Variants in CAPN15 observed in about 807,000 individuals in gnomAD.
CAPN15 encodes the protein calpain-15.
In CAPN15, 53 loss-of-function variants were observed where a neutral mutation model predicts 97.9. The observed-to-expected ratio is 0.54, with a 90% CI of 0.43 to 0.68. The LOEUF (loss-of-function observed/expected upper bound fraction) is 0.68, where lower values mean the gene tolerates loss of function less well. Among genes scored for constraint, CAPN15 ranks in the 30% least tolerant of loss-of-function variants. The probability of loss-of-function intolerance (pLI) is 0.00; values close to 1 mark genes in which losing one functional copy is unlikely to be tolerated. For synonymous variants in CAPN15, 922 were observed against 722.5 expected (o/e 1.28, Z -4.43); for missense variants, 1,592 against 1,589.8 (o/e 1.00, Z -0.02).
At chr16:541,209 A>C (rs2034088540) in intron 3 of CAPN15, among the ~76,000 whole-genome samples, 1 of 152,238 alleles carries the variant, frequency 6.6e-6, no homozygotes, top group Admixed American at 6.5e-5. Flanking sequence ...GCAGGTGGCC[A>C]GGCCTGGGAA....
intron 3 of CAPN15, among the ~76,000 whole-genome samples, chr16:542,501 G>A (rs1463143652): frequency 6.6e-6 from 1 of 152,134 alleles, no homozygotes; most frequent in Non-Finnish European, 1.5e-5. Flanking sequence ...TGTCCCCTTG[G>A]CTTTGATCTG....
chr16:553,430 C>T lies in CAPN15; in HGVS notation c.3175C>T (p.Leu1059Phe), dbSNP rs12921943. The T allele has an allele frequency of 7.4e-6, 12 of 1,611,422 alleles. No homozygotes were observed. Among genetic ancestry groups the T allele is most frequent in the South Asian group, 1.1e-5 (1 of 91,018 alleles). The change falls in exon 14 of 14, where the codon CTC becomes TTC. Residue 1059 changes from leucine (L) to phenylalanine (F), a missense_variant. Physicochemically the swap from Leu to Phe is conservative, Grantham distance 22 (BLOSUM62 0). Transcript: ENST00000219611. Reference protein sequence around the residue: ...LAHRKAAQAFLSDWTASKGTH... With the variant: ...LAHRKAAQAFFSDWTASKGTH... ...ACATCGCAAGGCAGCCCAGGCCTTC[C>T]TCAGTGACTGGACAGCCTCCAAGGG... is the stretch of plus-strand genomic sequence containing the variant.
Position 536,036 on chromosome 16 carries a change from G to A in CAPN15, c.-129G>A. On this transcript the variant is annotated 5_prime_UTR_variant, in exon 3 of 14. Transcript: ENST00000219611. ...CCCCCCCCGGTTATTCAGACAGGGA[G>A]CCAGGATGGGAACCACGGACTGACC... 6.4e-6 allele frequency: 3 copies of A among 470,088 alleles called. No homozygotes were observed. Among genetic ancestry groups the A allele is most frequent in the Non-Finnish European group, 7.8e-6 (3 of 383,264 alleles). The allele number at this position is 470,088 out of a possible 1,614,324, so 29.1% of individuals were successfully genotyped here. A position where few individuals can be genotyped will look rare whatever the true frequency, so the allele number is the denominator to read the frequency against.
At chr16:532,748 G>A (rs1363473514) in intron 1 of CAPN15, among the ~76,000 whole-genome samples, 1 of 151,844 alleles carries the variant, frequency 6.6e-6, no homozygotes, top group Admixed American at 6.6e-5. Context: ...AGCTACTCGG[G>A]AGGCTGAGGC....
rs1039554032 is a variant in CAPN15, at chr16:552,210, C to T, written c.2505C>T (p.Ser835=). The T allele has an allele frequency of 5.2e-6, 8 of 1,532,366 alleles. No individual in the cohort carries two copies. The Admixed American group carries it at 1.4e-4, about 27-fold the overall frequency. 94.9% of individuals were successfully genotyped at this position (1,532,366 alleles called of 1,614,324 possible). A position where few individuals can be genotyped will look rare whatever the true frequency, so the allele number is the denominator to read the frequency against. Residue 835 remains serine (S), a splice_region_variant and synonymous_variant, in exon 10 of 14, where the codon AGC becomes AGT. Transcript: ENST00000219611. The surrounding 1 kb of genome is among the most constrained non-coding windows in gnomAD (Gnocchi z 6.4). ...AGTTCGCGCTCTTCCAGGAGGGCAGCAGGTGGGTGCTGCGGGGCCCCATCG... is the reference window on the plus strand; with the variant it reads ...AGTTCGCGCTCTTCCAGGAGGGCAGTAGGTGGGTGCTGCGGGGCCCCATCG... The part of the protein sequence containing the change: ...SLEFALFQEG[S]RRSDAVDSHL...
Position 547,843 on chromosome 16 carries a change from C to T in CAPN15, c.1005C>T (p.Ser335=). 3 of 1,610,820 alleles carry T rather than the reference C, an allele frequency of 1.9e-6. No individual in the cohort carries two copies. The highest frequency in any genetic ancestry group is 1.3e-5 in the African/African-American group (1 of 75,012). Residue 335 remains serine, a synonymous_variant, in exon 4 of 14, where the codon AGC becomes AGT. Transcript: ENST00000219611. ...AGDTVRYTPA[S]PSSPDFTTWS... ...ACACCGTGCGTTACACGCCCGCCAG[C>T]CCCTCCAGCCCCGACTTCACCACCT...
At chr16:537,227 A>C (rs2033797884) in intron 3 of CAPN15, 1 of 985,388 alleles carries the variant, frequency 1.0e-6, no homozygotes, top group Admixed American at 6.1e-5. Flanking sequence ...TGGGGCCCAC[A>C]GGGTCAGTTG....
intron 3 of CAPN15, among the ~76,000 whole-genome samples, chr16:545,650 C>T (rs2034534447): frequency 6.6e-6 from 1 of 152,234 alleles, no homozygotes; most frequent in Admixed American, 6.5e-5. Flanking sequence ...CCCGGGTTCT[C>T]ATTCTCCTCT....
In CAPN15 at chr16:552,551, G is replaced by A. The variant is rs996550849; in HGVS notation, c.2737+21G>A. The A allele has an allele frequency of 6.3e-7, 1 of 1,581,878 alleles. No homozygotes were observed. Among genetic ancestry groups the A allele is most frequent in the Non-Finnish European group, 8.6e-7 (1 of 1,168,142 alleles). On this transcript the variant is annotated intron_variant, in intron 11 of 13. Coordinates refer to ENST00000219611, the MANE Select transcript of CAPN15 (RefSeq NM_005632.3). The surrounding 1 kb of genome is among the most constrained non-coding windows in gnomAD (Gnocchi z 6.4). Reference sequence around the variant, plus strand: ...CCAGGGTACGTGGCCCCTACCCCAGGCTCATGCCCCAGGCCCACGGGGAGG... The same window carrying A: ...CCAGGGTACGTGGCCCCTACCCCAGACTCATGCCCCAGGCCCACGGGGAGG...
At position 546,893 on chromosome 16, in the gene CAPN15, G is replaced by A. The variant is rs2071923; in HGVS notation, c.55G>A (p.Gly19Ser). ...GCGCTGCACCTTCCTGAACCCGGCCGGCCAGCGCCAGTGCTCCATCTGCGA... is the reference window on the plus strand; with the variant it reads ...GCGCTGCACCTTCCTGAACCCGGCCAGCCAGCGCCAGTGCTCCATCTGCGA... Reference protein sequence around the residue: ...CVRCTFLNPAGQRQCSICEAP... With the variant: ...CVRCTFLNPASQRQCSICEAP... Residue 19 changes from glycine to serine, a missense_variant, in exon 4 of 14, where the codon GGC (glycine) becomes AGC (serine). Physicochemically the swap from Gly to Ser is moderately conservative, Grantham distance 56. This residue lies in a region of CAPN15 where 883 missense variants were observed against 776.6 expected (regional missense o/e 1.14). Transcript: ENST00000219611. 5.2e-5 allele frequency: 84 copies of A among 1,611,540 alleles called. 1 individual carries two copies. In the African/African-American group the frequency reaches 6.9e-4, roughly 13 times the overall value.
chr16:551,498 C>A lies in CAPN15; in HGVS notation c.2193-14C>A. On this transcript the variant is annotated splice_polypyrimidine_tract_variant and intron_variant, in intron 8 of 13. Transcript: ENST00000219611. Reference sequence around the variant, plus strand: ...GGGCAGTGTGGTTCAGATCCTCACCCCTGTGGTCTGCAGGCTTCTGCGGCT... The same window carrying A: ...GGGCAGTGTGGTTCAGATCCTCACCACTGTGGTCTGCAGGCTTCTGCGGCT... 1 of 1,607,426 alleles carries A rather than the reference C, an allele frequency of 6.2e-7. No homozygotes were observed. The highest frequency in any genetic ancestry group is 8.5e-7 in the Non-Finnish European group (1 of 1,175,726).
Position 549,732 on chromosome 16 carries a change from G to A in CAPN15, c.1960G>A (p.Ala654Thr), listed in dbSNP as rs763213952. ...CGAAGGCCTGGCCACGCTCACCGGC[G>A]CCCCCTGTGAGAGCCTGGCGCTGCA... ...AIEGLATLTG[A>T]PCESLALQLS... The change falls in exon 7 of 14, where the codon GCC becomes ACC. Residue 654 changes from alanine (A) to threonine (T), a missense_variant. Ala to Thr is a moderately conservative substitution (Grantham distance 58). Transcript: ENST00000219611. 4 of 1,581,952 alleles carry A rather than the reference G, an allele frequency of 2.5e-6. No homozygotes were observed. The highest frequency in any genetic ancestry group is 1.8e-5 in the Admixed American group (1 of 56,926).
Position 553,333 on chromosome 16 carries a change from C to T in CAPN15, c.3084-6C>T, listed in dbSNP as rs766324391. ...TCCACAGGTCCTCACCGGTCCCCTC[C>T]CCCAGGCAGGTCCTGGTGATCTTGT... is the stretch of plus-strand genomic sequence containing the variant. On this transcript the variant is annotated splice_region_variant and splice_polypyrimidine_tract_variant and intron_variant, in intron 13 of 13. Coordinates refer to ENST00000219611, the MANE Select transcript of CAPN15 (RefSeq NM_005632.3). 6.3e-7 allele frequency: 1 copy of T among 1,599,434 alleles called. No homozygotes were observed. Among genetic ancestry groups the T allele is most frequent in the Admixed American group, 1.7e-5 (1 of 59,388 alleles).
rs576084802 is a variant in CAPN15, at chr16:547,420, C to T, written c.582C>T (p.His194=). 58 of 1,575,346 alleles carry T rather than the reference C, an allele frequency of 3.7e-5. No homozygotes were observed. In the African/African-American group the frequency reaches 6.7e-4, roughly 18 times the overall value. The change falls in exon 4 of 14, where the codon CAC becomes CAT. Residue 194 remains histidine, a synonymous_variant. Coordinates refer to ENST00000219611, the MANE Select transcript of CAPN15 (RefSeq NM_005632.3). ...AAGTGGTGGCCCCGGCCGGCTTCCACGTCGTGCCTGCCGCGCCTCCACCTG... is the reference window on the plus strand; with the variant it reads ...AAGTGGTGGCCCCGGCCGGCTTCCATGTCGTGCCTGCCGCGCCTCCACCTG... ...VPEVVAPAGF[H]VVPAAPPPGL...
chr16:549,488 G>A lies in CAPN15; in HGVS notation c.1842+17G>A. The A allele has an allele frequency of 4.5e-6, 7 of 1,572,464 alleles. No individual in the cohort carries two copies. The highest frequency in any genetic ancestry group is 4.3e-6 in the Non-Finnish European group (5 of 1,165,428). On this transcript the variant is annotated intron_variant, in intron 6 of 13. Transcript: ENST00000219611. ...TTCTCACAGGTGGGGCGGCCTGCAG[G>A]GTGGGCACGGGCGGCAGGGGCAGCC...
Position 544,258 on chromosome 16 carries a change from C to T in CAPN15, c.-22-2559C>T, listed in dbSNP as rs751284483. ...CCCTGGGCACAGCAGGAGGAGCTGC[C>T]GACCAAGTCTGGCACCCCGGTGTGC... On this transcript the variant is annotated intron_variant, in intron 3 of 13. Coordinates refer to ENST00000219611, the MANE Select transcript of CAPN15 (RefSeq NM_005632.3). Among the ~76,000 whole-genome samples the T allele has an allele frequency of 6.6e-5, 10 of 152,200 alleles. 2 individuals are homozygous for T. The highest frequency in any genetic ancestry group is 1.9e-4 in the East Asian group (1 of 5,152).
rs2035183551 is a variant in CAPN15 at position 552,708 on chromosome 16, C to T, written c.2841C>T (p.Ala947=). The part of the protein sequence containing the change: ...SRLVMVEPVE[A]QPTTLADAII... The stretch of plus-strand genomic sequence containing the variant: ...TGGTCATGGTGGAGCCCGTGGAAGC[C>T]CAGCCGACCACGCTGGCCGACGCCA... The change falls in exon 12 of 14, where the codon GCC becomes GCT. Residue 947 remains alanine, a synonymous_variant. Coordinates refer to ENST00000219611, the MANE Select transcript of CAPN15 (RefSeq NM_005632.3). This position sits in a 1 kb window ranked among gnomAD's most constrained non-coding sequence, Gnocchi z 6.4. 1.3e-6 allele frequency: 2 copies of T among 1,544,390 alleles called. No individual in the cohort carries two copies. The highest frequency in any genetic ancestry group is 2.0e-5 in the Admixed American group (1 of 50,930).
chr16:541,824 G>T (rs2034141294), intron 3 of CAPN15, among the ~76,000 whole-genome samples: 1 of 152,176 alleles, frequency 6.6e-6, no homozygotes, highest in African/African-American at 2.4e-5. Context: ...TTTGCCTTGT[G>T]CAGAAGGTGC....
chr16:552,337 G>A lies in CAPN15; in HGVS notation c.2544G>A (p.Leu848=), dbSNP rs868164269. ...CCGTGGACAGCCACCTGCTGGACCT[G>A]TGCATCCTGGTGTTCCGGGCCACGT... ...SDAVDSHLLD[L]CILVFRATFG... The change falls in exon 11 of 14, where the codon CTG becomes CTA. Residue 848 remains leucine (L), a synonymous_variant. Coordinates refer to ENST00000219611, the MANE Select transcript of CAPN15 (RefSeq NM_005632.3). The surrounding 1 kb of genome is among the most constrained non-coding windows in gnomAD (Gnocchi z 6.4). 8.8e-6 allele frequency: 14 copies of A among 1,587,264 alleles called. No homozygotes were observed. In the Middle Eastern group the frequency reaches 1.7e-3, roughly 187 times the overall value.
Sources: gnomAD v4.1 joint callset for allele counts (sites outside exome capture counted in the v4.1 genomes callset) on GRCh38, gnomAD v4.1.1 for gene constraint, gnomAD v4.1.1 regional missense constraint, Gnocchi (gnomAD v3.1) non-coding constraint, MANE v1.5 for transcripts, NCBI Gene and HGNC (gene_info 2026-07-23, HGNC 2026-07-21) for gene names.